KCTD12: variants seen among roughly 807,000 people sequenced by gnomAD.
KCTD12 encodes potassium channel tetramerization domain containing 12, also known as BTB/POZ domain-containing protein KCTD12.
A neutral mutation model predicts 22.6 loss-of-function variants in KCTD12; 16 were observed. The observed-to-expected ratio is 0.71, with a 90% CI of 0.48 to 1.07. The LOEUF (loss-of-function observed/expected upper bound fraction) is 1.07, where lower values mean the gene tolerates loss of function less well. KCTD12 is among the 50% of genes least tolerant of loss of function. The pLI is 0.00. For missense variants in KCTD12, 452 were observed against 469.2 expected (o/e 0.96, Z 0.34); for synonymous variants, 260 against 228.0 (o/e 1.14, Z -1.26).
Position 76,885,640 on chromosome 13 carries a change from G to A in KCTD12, c.509C>T (p.Ala170Val), listed in dbSNP as rs1469708159. The A allele has an allele frequency of 2.0e-6, 3 of 1,494,854 alleles. No individual in the cohort carries two copies. Among genetic ancestry groups the A allele is most frequent in the Admixed American group, 4.7e-5 (2 of 42,974 alleles). 92.6% of individuals were successfully genotyped at this position (1,494,854 alleles called of 1,614,324 possible). ...CGTGGGCGACGGCGCCCCGGCAGAG[G>A]CGCCCTCCTGCTGTTCGGGCTCCGA... ...GYSEPEQQEG[A>V]SAGAPSPTLE... Residue 170 changes from alanine (A) to valine (V), a missense_variant, in exon 1 of 1, where the codon GCC becomes GTC. By Grantham distance (64) the Ala-to-Val change is moderately conservative (BLOSUM62 0). This residue lies in a region of KCTD12 where 330 missense variants were observed against 296.5 expected (regional missense o/e 1.11). Transcript: ENST00000377474. This position sits in a 1 kb window ranked among gnomAD's most constrained non-coding sequence, Gnocchi z 5.1.
At position 76,881,578 on chromosome 13, in the gene KCTD12, T is replaced by C. The variant is rs1474393389; in HGVS notation, c.*3593A>G. The C allele has an allele frequency of 1.3e-5, 2 of 152,656 alleles. No individual in the cohort carries two copies. Among genetic ancestry groups the C allele is most frequent in the African/African-American group, 2.4e-5 (1 of 41,550 alleles). The allele number at this position is 152,656 out of a possible 1,614,324, so 9.5% of individuals were successfully genotyped here. A position where few individuals can be genotyped will look rare whatever the true frequency, so the allele number is the denominator to read the frequency against. ...TTCCTCAGAGAAGCAGTAGGTCCCA[T>C]ATATACAGACATATATATGGCTCTG... On this transcript the variant is annotated 3_prime_UTR_variant, in exon 1 of 1. Coordinates refer to ENST00000377474, the MANE Select transcript of KCTD12 (RefSeq NM_138444.4).
rs755372050 is a variant in KCTD12, at chr13:76,885,160, G to A, written c.*11C>T. On this transcript the variant is annotated 3_prime_UTR_variant, in exon 1 of 1. Transcript: ENST00000377474. The surrounding 1 kb of genome is among the most constrained non-coding windows in gnomAD (Gnocchi z 5.1). The stretch of plus-strand genomic sequence containing the variant: ...GACTGGGCGCTGGAGTGGCGAGGGG[G>A]TCTGGGGAGCTCACTCCCTGCAGAA... 1.6e-5 allele frequency: 26 copies of A among 1,608,944 alleles called. No homozygotes were observed. In the South Asian group the frequency reaches 2.5e-4, roughly 16 times the overall value.
In KCTD12 at chr13:76,885,333, G is replaced by C; in HGVS notation, c.816C>G (p.Leu272=). 1 of 1,613,926 alleles carries C rather than the reference G, an allele frequency of 6.2e-7. No homozygotes were observed. The highest frequency in any genetic ancestry group is 8.5e-7 in the Non-Finnish European group (1 of 1,179,960). The change falls in exon 1 of 1, where the codon CTC becomes CTG. Residue 272 remains leucine (L), a synonymous_variant. Transcript: ENST00000377474. The surrounding 1 kb of genome is among the most constrained non-coding windows in gnomAD (Gnocchi z 5.1). The part of the protein sequence containing the change: ...PPERYTSRYY[L]KFNFLEQAFD... ...AGGCCTGCTCCAGGAAGTTGAACTT[G>C]AGGTAATAGCGCGAGGTGTAGCGCT...
At position 76,885,417 on chromosome 13, in the gene KCTD12, C is replaced by T; in HGVS notation, c.732G>A (p.Leu244=). The T allele has an allele frequency of 3.1e-6, 5 of 1,613,284 alleles. No homozygotes were observed. The highest frequency in any genetic ancestry group is 4.2e-6 in the Non-Finnish European group (5 of 1,180,014). ...ARITVCGKTS[L]AKEVFGDTLN... ...GGGTGTCCCCAAACACCTCCTTGGC[C>T]AGCGACGTCTTTCCGCAAACGGTGA... Residue 244 remains leucine (L), a synonymous_variant, in exon 1 of 1, where the codon CTG becomes CTA. Coordinates refer to ENST00000377474, the MANE Select transcript of KCTD12 (RefSeq NM_138444.4). This position sits in a 1 kb window ranked among gnomAD's most constrained non-coding sequence, Gnocchi z 5.1.
chr13:76,883,389 C>A lies in KCTD12; in HGVS notation c.*1782G>T, dbSNP rs892444158. 4 of 152,594 alleles carry A rather than the reference C, an allele frequency of 2.6e-5. No homozygotes were observed. Among genetic ancestry groups the A allele is most frequent in the Admixed American group, 1.3e-4 (2 of 15,284 alleles). The allele number at this position is 152,594 out of a possible 1,614,324, so 9.5% of individuals were successfully genotyped here. A position where few individuals can be genotyped will look rare whatever the true frequency, so the allele number is the denominator to read the frequency against. ...GATGCTGAAAACAAAACAAAATAGG[C>A]TTCTCTGTCATCACAGAATATCCAA... On this transcript the variant is annotated 3_prime_UTR_variant, in exon 1 of 1. Coordinates refer to ENST00000377474, the MANE Select transcript of KCTD12 (RefSeq NM_138444.4).
Position 76,883,493 on chromosome 13 carries a change from TA to T in KCTD12, c.*1677del, listed in dbSNP as rs1253358239. The T allele has an allele frequency of 6.5e-5, 10 of 152,672 alleles. No individual in the cohort carries two copies. Among genetic ancestry groups the T allele is most frequent in the African/African-American group, 2.4e-4 (10 of 41,460 alleles). 9.5% of individuals were successfully genotyped at this position (152,672 alleles called of 1,614,324 possible). On this transcript the variant is annotated 3_prime_UTR_variant, in exon 1 of 1. Coordinates refer to ENST00000377474, the MANE Select transcript of KCTD12 (RefSeq NM_138444.4). ...TTACATAGGATATGCATTGGGAATTTATTCCATGTAAGAGTAAAGGCATAAG... is the reference window on the plus strand; with the variant it reads ...TTACATAGGATATGCATTGGGAATTTTTCCATGTAAGAGTAAAGGCATAAG...
rs1289808502 is a variant in KCTD12, at chr13:76,884,162, T to TCCCCA, written c.*1004_*1008dup. Reference sequence around the variant, plus strand: ...CCCACCCTTCCTACCCTTTCCTCCCTCCCCACCCCACCCCGCCCACCAAGT... The same window carrying TCCCCA: ...CCCACCCTTCCTACCCTTTCCTCCCTCCCCACCCCACCCCACCCCGCCCACCAAGT... On this transcript the variant is annotated 3_prime_UTR_variant, in exon 1 of 1. Coordinates refer to ENST00000377474, the MANE Select transcript of KCTD12 (RefSeq NM_138444.4). The TCCCCA allele has an allele frequency of 3.0e-5, 3 of 99,126 alleles. No homozygotes were observed. Among genetic ancestry groups the TCCCCA allele is most frequent in the Non-Finnish European group, 3.9e-5 (2 of 51,028 alleles). 6.1% of individuals were successfully genotyped at this position (99,126 alleles called of 1,614,324 possible). A position where few individuals can be genotyped will look rare whatever the true frequency, so the allele number is the denominator to read the frequency against.
Position 76,886,283 on chromosome 13 carries a change from C to T in KCTD12, c.-135G>A. 3 of 1,038,704 alleles carry T rather than the reference C, an allele frequency of 2.9e-6. No homozygotes were observed. In the South Asian group the frequency reaches 8.5e-5, roughly 30 times the overall value. The allele number at this position is 1,038,704 out of a possible 1,614,324, so 64.3% of individuals were successfully genotyped here. Reference sequence around the variant, plus strand: ...CCCGCCGCCGCCGCCGCCGCCACCGCCGCCACCGCCACCGCCGCCACCTCC... The same window carrying T: ...CCCGCCGCCGCCGCCGCCGCCACCGTCGCCACCGCCACCGCCGCCACCTCC... On this transcript the variant is annotated 5_prime_UTR_variant, in exon 1 of 1. Coordinates refer to ENST00000377474, the MANE Select transcript of KCTD12 (RefSeq NM_138444.4).
rs2137699364 is a variant in KCTD12, at chr13:76,880,958, C to T, written c.*4213G>A. The T allele has an allele frequency of 6.6e-6, 1 of 152,336 alleles. No individual in the cohort carries two copies. Among genetic ancestry groups the T allele is most frequent in the Non-Finnish European group, 1.5e-5 (1 of 67,990 alleles). 9.4% of individuals were successfully genotyped at this position (152,336 alleles called of 1,614,324 possible). A position where few individuals can be genotyped will look rare whatever the true frequency, so the allele number is the denominator to read the frequency against. ...TCTTCCAACCAAGTTTGAAGGGCCC[C>T]AGTAGAAAATCAAGTGTTAATACTT... On this transcript the variant is annotated 3_prime_UTR_variant, in exon 1 of 1. Coordinates refer to ENST00000377474, the MANE Select transcript of KCTD12 (RefSeq NM_138444.4).
At position 76,886,046 on chromosome 13, in the gene KCTD12, T is replaced by C. The variant is rs780749378; in HGVS notation, c.103A>G (p.Ile35Val). 7 of 1,575,376 alleles carry C rather than the reference T, an allele frequency of 4.4e-6. No homozygotes were observed. The African/African-American group carries it at 5.4e-5, about 12-fold the overall frequency. Residue 35 changes from isoleucine (I) to valine (V), a missense_variant, in exon 1 of 1, where the codon ATC becomes GTC. Physicochemically the swap from Ile to Val is conservative, Grantham distance 29. Around this residue, in one of 2 missense-constraint regions of KCTD12, gnomAD observed 330 missense variants for 296.5 expected, o/e 1.11. Transcript: ENST00000377474. Reference sequence around the variant, plus strand: ...TGGCCCCCCACGTTCAGCTCCACGATGTCGGGGAAGAGCGGTGGCTCCGCG... The same window carrying C: ...TGGCCCCCCACGTTCAGCTCCACGACGTCGGGGAAGAGCGGTGGCTCCGCG... The part of the protein sequence containing the change: ...SSAEPPLFPD[I>V]VELNVGGQVY...
At position 76,884,531 on chromosome 13, in the gene KCTD12, C is replaced by A. The variant is rs995085615; in HGVS notation, c.*640G>T. 2.0e-5 allele frequency: 3 copies of A among 152,338 alleles called. No individual in the cohort carries two copies. Among genetic ancestry groups the A allele is most frequent in the African/African-American group, 7.2e-5 (3 of 41,460 alleles). 9.4% of individuals were successfully genotyped at this position (152,338 alleles called of 1,614,324 possible). On this transcript the variant is annotated 3_prime_UTR_variant, in exon 1 of 1. Transcript: ENST00000377474. ...CCTTTACTGTCCCACGCACTAGATT[C>A]TTCTACTTTACGTGTAACTTTTCAA...
Position 76,886,288 on chromosome 13 carries a change from A to G in KCTD12, c.-140T>C, listed in dbSNP as rs867365644. On this transcript the variant is annotated 5_prime_UTR_variant, in exon 1 of 1. Transcript: ENST00000377474. The stretch of plus-strand genomic sequence containing the variant: ...CGCCGCCGCCGCCGCCACCGCCGCC[A>G]CCGCCACCGCCGCCACCTCCTAGAG... The G allele has an allele frequency of 4.0e-5, 42 of 1,047,668 alleles. No individual in the cohort carries two copies. Among genetic ancestry groups the G allele is most frequent in the Admixed American group, 1.3e-4 (3 of 22,940 alleles). 64.9% of individuals were successfully genotyped at this position (1,047,668 alleles called of 1,614,324 possible).
rs1411591715 is a variant in KCTD12 at position 76,881,870 on chromosome 13, C to A, written c.*3301G>T. The A allele has an allele frequency of 6.6e-6, 1 of 150,816 alleles. No homozygotes were observed. Among genetic ancestry groups the A allele is most frequent in the Non-Finnish European group, 1.5e-5 (1 of 67,830 alleles). 9.3% of individuals were successfully genotyped at this position (150,816 alleles called of 1,614,324 possible). A position where few individuals can be genotyped will look rare whatever the true frequency, so the allele number is the denominator to read the frequency against. ...TTTTTTTTAACCACCATTGTCTACA[C>A]CTTTTTAAAAATTAAGTTTGTTACT... On this transcript the variant is annotated 3_prime_UTR_variant, in exon 1 of 1. Coordinates refer to ENST00000377474, the MANE Select transcript of KCTD12 (RefSeq NM_138444.4).
chr13:76,886,389 G>C lies in KCTD12; in HGVS notation c.-241C>G, dbSNP rs1593867664. 3.8e-6 allele frequency: 1 copy of C among 264,750 alleles called. No individual in the cohort carries two copies. The highest frequency in any genetic ancestry group is 6.7e-6 in the Non-Finnish European group (1 of 150,260). 16.4% of individuals were successfully genotyped at this position (264,750 alleles called of 1,614,324 possible). On this transcript the variant is annotated 5_prime_UTR_variant, in exon 1 of 1. Coordinates refer to ENST00000377474, the MANE Select transcript of KCTD12 (RefSeq NM_138444.4). ...CCAGTGCGCTCCGCCCGCCTTGCCC[G>C]CGCGCTCCAGGCGAGTGCCGGGTCG...
At position 76,881,212 on chromosome 13, in the gene KCTD12, T is replaced by C. The variant is rs1239491171; in HGVS notation, c.*3959A>G. 6.6e-6 allele frequency: 1 copy of C among 152,208 alleles called. No individual in the cohort carries two copies. Among genetic ancestry groups the C allele is most frequent in the African/African-American group, 2.4e-5 (1 of 41,462 alleles). The allele number at this position is 152,208 out of a possible 1,614,324, so 9.4% of individuals were successfully genotyped here. The stretch of plus-strand genomic sequence containing the variant: ...ATTCCAAACGAAGGATTGACTCTGA[T>C]AGGCTTACAACAAAAATATTCAGTT... On this transcript the variant is annotated 3_prime_UTR_variant, in exon 1 of 1. Coordinates refer to ENST00000377474, the MANE Select transcript of KCTD12 (RefSeq NM_138444.4).
In KCTD12 at chr13:76,883,624, A is replaced by G. The variant is rs1469162030; in HGVS notation, c.*1547T>C. On this transcript the variant is annotated 3_prime_UTR_variant, in exon 1 of 1. Coordinates refer to ENST00000377474, the MANE Select transcript of KCTD12 (RefSeq NM_138444.4). ...ATTTGCCTTCATTTAAAAATATTCC[A>G]TTTTACAGCTATCTACAGATAGGCA... 6.6e-6 allele frequency: 1 copy of G among 152,538 alleles called. No homozygotes were observed. The highest frequency in any genetic ancestry group is 1.5e-5 in the Non-Finnish European group (1 of 68,034). 9.4% of individuals were successfully genotyped at this position (152,538 alleles called of 1,614,324 possible).
Position 76,886,071 on chromosome 13 carries a change from G to T in KCTD12, c.78C>A (p.Ser26=). The change falls in exon 1 of 1, where the codon TCC becomes TCA. Residue 26 remains serine, a synonymous_variant. Coordinates refer to ENST00000377474, the MANE Select transcript of KCTD12 (RefSeq NM_138444.4). ...TGTCGGGGAAGAGCGGTGGCTCCGC[G>T]GAGGACGACGAGGAGCCACTGCCGC... is the stretch of plus-strand genomic sequence containing the variant. ...GGGGSGSSSS[S]AEPPLFPDIV... 1 of 1,562,984 alleles carries T rather than the reference G, an allele frequency of 6.4e-7. No homozygotes were observed.
chr13:76,885,626 G>T lies in KCTD12; in HGVS notation c.523C>A (p.Pro175Thr). Reference protein sequence around the residue: ...EQQEGASAGAPSPTLELASRS... With the variant: ...EQQEGASAGATSPTLELASRS... ...CTAGCCAGCTCCAGCGTGGGCGACG[G>T]CGCCCCGGCAGAGGCGCCCTCCTGC... is the stretch of plus-strand genomic sequence containing the variant. Residue 175 changes from proline to threonine, a missense_variant, in exon 1 of 1, where the codon CCG becomes ACG. Physicochemically the swap from Pro to Thr is conservative, Grantham distance 38. Around this residue, in one of 2 missense-constraint regions of KCTD12, gnomAD observed 330 missense variants for 296.5 expected, o/e 1.11. Transcript: ENST00000377474. The surrounding 1 kb of genome is among the most constrained non-coding windows in gnomAD (Gnocchi z 5.1). The T allele has an allele frequency of 6.7e-7, 1 of 1,497,214 alleles. No homozygotes were observed. The highest frequency in any genetic ancestry group is 8.8e-7 in the Non-Finnish European group (1 of 1,135,126). 92.7% of individuals were successfully genotyped at this position (1,497,214 alleles called of 1,614,324 possible). A position where few individuals can be genotyped will look rare whatever the true frequency, so the allele number is the denominator to read the frequency against.
Position 76,885,365 on chromosome 13 carries a change from G to GAA in KCTD12, c.783_784insTT (p.Pro262PhefsTer110). 1 of 1,613,790 alleles carries GAA rather than the reference G, an allele frequency of 6.2e-7. No homozygotes were observed. Reference sequence around the variant, plus strand: ...TAGCGCGAGGTGTAGCGCTCCGGGGGACGGTCGGGGTCCCGGCTTTCGTTC... The same window carrying GAA: ...TAGCGCGAGGTGTAGCGCTCCGGGGGAAACGGTCGGGGTCCCGGCTTTCGTTC... On this transcript the variant is annotated frameshift_variant, in exon 1 of 1. Transcript: ENST00000377474. LOFTEE classifies it high-confidence loss of function. This position sits in a 1 kb window ranked among gnomAD's most constrained non-coding sequence, Gnocchi z 5.1.
Sources: gnomAD v4.1 joint callset for allele counts on GRCh38, gnomAD v4.1.1 for gene constraint, gnomAD v4.1.1 regional missense constraint, Gnocchi (gnomAD v3.1) non-coding constraint, MANE v1.5 for transcripts, NCBI Gene and HGNC (gene_info 2026-07-23, HGNC 2026-07-21) for gene names.